FSTL5: variants seen among roughly 807,000 people sequenced by gnomAD.
The protein encoded by FSTL5 is follistatin like 5.
A neutral mutation model predicts 89.1 loss-of-function variants in FSTL5; 62 were observed. The observed-to-expected ratio is 0.70, with a 90% CI of 0.57 to 0.86. The LOEUF (loss-of-function observed/expected upper bound fraction) is 0.86, where lower values mean the gene tolerates loss of function less well. FSTL5 is among the 40% of genes least tolerant of loss of function. The pLI, the probability that FSTL5 is intolerant of heterozygous loss-of-function variation, is 0.00. For missense variants in FSTL5, 1,057 were observed against 1,001.6 expected (o/e 1.06, Z -0.75); for synonymous variants, 383 against 346.2 (o/e 1.11, Z -1.18).
At chr4:161,584,098 C>G (rs1560965687) in intron 8 of FSTL5, among the ~76,000 whole-genome samples, 1 of 152,190 alleles carries the variant, frequency 6.6e-6, no homozygotes, top group Non-Finnish European at 1.5e-5. Flanking sequence ...TTCATGAATA[C>G]TCCAAGCTTT....
chr4:161,591,853 C>G (rs1237120980), intron 7 of FSTL5, among the ~76,000 whole-genome samples: 1 of 152,150 alleles, frequency 6.6e-6, no homozygotes, highest in East Asian at 1.9e-4. Flanking sequence ...CACTTTATAG[C>G]TGGGGAGGCT....
intron 6 of FSTL5, among the ~76,000 whole-genome samples, chr4:161,674,704 A>G (rs1006737640): frequency 2.6e-5 from 4 of 152,172 alleles, no homozygotes; most frequent in African/African-American, 4.8e-5. Flanking sequence ...CGTAGTGACC[A>G]TGCTAGGAGT....
At chr4:161,727,672 T>C (rs1474408465) in intron 6 of FSTL5, among the ~76,000 whole-genome samples, 1 of 152,220 alleles carries the variant, frequency 6.6e-6, no homozygotes, top group Non-Finnish European at 1.5e-5. Flanking sequence ...CTATATTTTC[T>C]ACTGTGTTGA....
intron 3 of FSTL5, among the ~76,000 whole-genome samples, chr4:161,985,043 G>A (rs746954812): frequency 1.1e-4 from 16 of 150,790 alleles, no homozygotes; most frequent in African/African-American, 2.4e-4. Context: ...TGCAACCTCC[G>A]CCTCCTGGGT....
chr4:161,496,667 T>C (rs1355388124), intron 12 of FSTL5, among the ~76,000 whole-genome samples: 1 of 152,144 alleles, frequency 6.6e-6, no homozygotes, highest in Non-Finnish European at 1.5e-5. Context: ...CATCAACTCT[T>C]ATCTGAATTT....
At chr4:161,721,026 C>T (rs1013698158) in intron 6 of FSTL5, among the ~76,000 whole-genome samples, 1 of 152,004 alleles carries the variant, frequency 6.6e-6, no homozygotes, top group East Asian at 1.9e-4. Context: ...CGCCTGTAAT[C>T]CCAGCACTTT....
chr4:161,743,276 C>G (rs1329334584), intron 6 of FSTL5, among the ~76,000 whole-genome samples: 1 of 152,082 alleles, frequency 6.6e-6, no homozygotes, highest in Non-Finnish European at 1.5e-5. Flanking sequence ...TTTCCCAGCA[C>G]TAGTTGTTGA....
chr4:161,696,705 G>T (rs1268178082), intron 6 of FSTL5, among the ~76,000 whole-genome samples: 2 of 151,898 alleles, frequency 1.3e-5, no homozygotes, highest in Non-Finnish European at 2.9e-5. Flanking sequence ...TATATTTTTT[G>T]CAGCTATTGT....
intron 4 of FSTL5, among the ~76,000 whole-genome samples, chr4:161,908,274 C>T (rs1371030214): frequency 6.6e-6 from 1 of 151,722 alleles, no homozygotes. Flanking sequence ...GATTAGGTTC[C>T]AATACATGAT....
At chr4:161,888,592 G>A (rs1732888339) in intron 4 of FSTL5, among the ~76,000 whole-genome samples, 1 of 152,038 alleles carries the variant, frequency 6.6e-6, no homozygotes, top group Non-Finnish European at 1.5e-5. Context: ...AAATTTCACT[G>A]ACATTTTCAT....
At chr4:161,481,502 T>C (rs906158648) in intron 12 of FSTL5, among the ~76,000 whole-genome samples, 3 of 152,168 alleles carry the variant, frequency 2.0e-5, no homozygotes, top group African/African-American at 7.2e-5. Context: ...GTCTCAAGGT[T>C]CTTTAACAGA....
chr4:161,807,508 C>T (rs547888191), intron 4 of FSTL5, among the ~76,000 whole-genome samples: 2 of 151,956 alleles, frequency 1.3e-5, no homozygotes, highest in Non-Finnish European at 2.9e-5. Context: ...TAATACTGTG[C>T]ATGAAGAGTT....
intron 4 of FSTL5, among the ~76,000 whole-genome samples, chr4:161,836,763 T>A (rs1731057025): frequency 6.6e-6 from 1 of 152,038 alleles, no homozygotes; most frequent in African/African-American, 2.4e-5. Context: ...ATTTTTTAAA[T>A]ATTAAAAATA....
At chr4:161,424,903 G>T (rs1035606011) in intron 15 of FSTL5, among the ~76,000 whole-genome samples, 1 of 152,186 alleles carries the variant, frequency 6.6e-6, no homozygotes, top group Non-Finnish European at 1.5e-5. Context: ...ACCCTTCAAA[G>T]AAAAGCAAAC....
intron 12 of FSTL5, among the ~76,000 whole-genome samples, chr4:161,495,814 G>A (rs1381398592): frequency 1.3e-5 from 2 of 151,998 alleles, no homozygotes; most frequent in Non-Finnish European, 2.9e-5. Flanking sequence ...CCCTTTTCAT[G>A]GGAAAAATGG....
chr4:161,534,554 C>T (rs1731528723), intron 10 of FSTL5, among the ~76,000 whole-genome samples: 1 of 152,062 alleles, frequency 6.6e-6, no homozygotes, highest in Admixed American at 6.6e-5. Flanking sequence ...AACTACAAAA[C>T]ACTGCTGAAA....
chr4:161,890,276 A>C (rs1472605432), intron 4 of FSTL5, among the ~76,000 whole-genome samples: 1 of 152,198 alleles, frequency 6.6e-6, no homozygotes, highest in Non-Finnish European at 1.5e-5. Flanking sequence ...ATTGAATTTT[A>C]GATGCAGGAT....
intron 13 of FSTL5, among the ~76,000 whole-genome samples, chr4:161,467,904 G>A (rs1280473782): frequency 6.6e-6 from 1 of 151,980 alleles, no homozygotes; most frequent in African/African-American, 2.4e-5. Context: ...TATATATAAA[G>A]CTTGAGGTAG....
chr4:162,153,930 C>T (rs1378812715), intron 1 of FSTL5, among the ~76,000 whole-genome samples: 1 of 151,090 alleles, frequency 6.6e-6, no homozygotes, highest in Non-Finnish European at 1.5e-5. Flanking sequence ...CTGATCCTCC[C>T]GAGTAGCTGG....
Sources: gnomAD v4.1 joint callset for allele counts (sites outside exome capture counted in the v4.1 genomes callset) on GRCh38, gnomAD v4.1.1 for gene constraint, MANE v1.5 for transcripts, NCBI Gene and HGNC (gene_info 2026-07-23, HGNC 2026-07-21) for gene names.